The following MORC1 variants were observed in gnomAD, a reference collection of about 807,000 sequenced individuals.
MORC1 encodes MORC family CW-type zinc finger 1, also known as MORC family CW-type zinc finger protein 1.
In MORC1, 59 loss-of-function variants were observed where a neutral mutation model predicts 134.9. The ratio of observed to expected loss-of-function variants is 0.44; its 90% CI spans 0.35 to 0.54. MORC1 has a LOEUF of 0.54. Ranked by LOEUF, MORC1 falls within the 20% of genes least tolerant of loss-of-function variation. The pLI, the probability that MORC1 is intolerant of heterozygous loss-of-function variation, is 0.00. For synonymous variants in MORC1, 395 were observed against 391.7 expected (o/e 1.01, Z -0.10); for missense variants, 947 against 1,134.5 (o/e 0.83, Z 2.37).
At chr3:108,986,652 G>A (rs1947901513) in intron 22 of MORC1, among the ~76,000 whole-genome samples, 1 of 152,084 alleles carries the variant, frequency 6.6e-6, no homozygotes, top group South Asian at 2.1e-4. Flanking sequence ...TGGCAGTGCT[G>A]GGGACACTGT....
At chr3:108,969,992 A>G (rs970092269) in intron 25 of MORC1, among the ~76,000 whole-genome samples, 1 of 152,242 alleles carries the variant, frequency 6.6e-6, no homozygotes, top group African/African-American at 2.4e-5. Context: ...AAGGTGAAGG[A>G]AAATTAAGCG....
rs543516720 is a variant in MORC1 at position 109,095,041 on chromosome 3, T to A, written c.451A>T (p.Ile151Leu). ...EVVVPMPSWL[I>L]RTRESVTDDP... ...TCTGTGACAGATTCTCTGGTTCTTA[T>A]TAACCATGAGGGCATTGGAACTACA... Residue 151 changes from isoleucine to leucine, a missense_variant, in exon 7 of 28, where the codon ATA (isoleucine) becomes TTA (leucine). Physicochemically the swap from Ile to Leu is conservative, Grantham distance 5. Around this residue, in one of 3 missense-constraint regions of MORC1, gnomAD observed 214 missense variants for 281.3 expected, o/e 0.76. Transcript: ENST00000232603. 1.9e-6 allele frequency: 3 copies of A among 1,591,214 alleles called. No individual in the cohort carries two copies. Among genetic ancestry groups the A allele is most frequent in the Non-Finnish European group, 2.6e-6 (3 of 1,173,562 alleles).
At chr3:109,078,254 C>T (rs1170315002) in intron 8 of MORC1, among the ~76,000 whole-genome samples, 1 of 151,974 alleles carries the variant, frequency 6.6e-6, no homozygotes, top group African/African-American at 2.4e-5. Flanking sequence ...CTGTCCTTAT[C>T]AGAGATTCAC....
At chr3:109,105,735 A>G (rs1390575641) in intron 3 of MORC1, among the ~76,000 whole-genome samples, 1 of 152,130 alleles carries the variant, frequency 6.6e-6, no homozygotes, top group Non-Finnish European at 1.5e-5. Flanking sequence ...GTAAGTTTCA[A>G]GACAGCCCAT....
intron 8 of MORC1, among the ~76,000 whole-genome samples, chr3:109,073,202 T>C (rs1191334647): frequency 3.9e-5 from 6 of 152,218 alleles, no homozygotes. Context: ...ATTCTGCTGC[T>C]GTTTTAAATG....
chr3:109,023,968 G>C (rs1949017878), intron 17 of MORC1, among the ~76,000 whole-genome samples: 1 of 152,176 alleles, frequency 6.6e-6, no homozygotes, highest in Non-Finnish European at 1.5e-5. Flanking sequence ...GATAAAGATG[G>C]GGATGGGTTG....
chr3:108,962,639 A>G lies in MORC1; in HGVS notation c.2799+775T>C, dbSNP rs571821588. On this transcript the variant is annotated intron_variant, in intron 27 of 27. Coordinates refer to ENST00000232603, the MANE Select transcript of MORC1 (RefSeq NM_014429.4). ...AAAATGCCACAGGCTCCCTAGGCTC[A>G]CTGTTCTGGCTTGGATTTCTCAATT... is the stretch of plus-strand genomic sequence containing the variant. Among the ~76,000 whole-genome samples, 13 of 152,294 alleles carry G rather than the reference A, an allele frequency of 8.5e-5. 1 individual carries two copies. In the South Asian group the frequency reaches 2.7e-3, roughly 32 times the overall value.
At chr3:109,001,279 CCCA>C (rs1559883854) in intron 20 of MORC1, among the ~76,000 whole-genome samples, 3 of 152,108 alleles carry the variant, frequency 2.0e-5, no homozygotes, top group African/African-American at 7.2e-5. Flanking sequence ...ATTACAGGTG[CCCA>C]CCACCACGCC....
At chr3:109,061,402 C>T (rs755287231) in intron 11 of MORC1, among the ~76,000 whole-genome samples, 90 of 152,224 alleles carry the variant, frequency 5.9e-4, no homozygotes, top group Admixed American at 3.2e-3. Flanking sequence ...TTCTTTTTAA[C>T]TTATCTTACT....
intron 8 of MORC1, among the ~76,000 whole-genome samples, chr3:109,084,912 A>C (rs138984174): frequency 6.6e-6 from 1 of 152,272 alleles, no homozygotes; most frequent in East Asian, 1.9e-4. Context: ...CAGTTTCCTC[A>C]ACAAACGGTG....
intron 17 of MORC1, among the ~76,000 whole-genome samples, chr3:109,012,380 A>G (rs1948708239): frequency 6.6e-6 from 1 of 152,170 alleles, no homozygotes; most frequent in Admixed American, 6.5e-5. Flanking sequence ...AGGTAGTATG[A>G]TTCCTCCATC....
chr3:108,972,265 A>G (rs2107400321), intron 24 of MORC1, among the ~76,000 whole-genome samples: 1 of 130,064 alleles, frequency 7.7e-6, no homozygotes, highest in Middle Eastern at 4.5e-3. Context: ...AGAAATTTAC[A>G]GCCACCACAT....
At chr3:108,978,510 T>C (rs969301832) in intron 24 of MORC1, among the ~76,000 whole-genome samples, 5 of 152,160 alleles carry the variant, frequency 3.3e-5, no homozygotes, top group Admixed American at 2.6e-4. Context: ...GCACTCTGGA[T>C]GCTGCTACAA....
intron 17 of MORC1, among the ~76,000 whole-genome samples, chr3:109,015,295 TA>T (rs1948791668): frequency 6.6e-6 from 1 of 152,098 alleles, no homozygotes; most frequent in Non-Finnish European, 1.5e-5. Context: ...CAGCAAGAGA[TA>T]GGGGAAGAAT....
chr3:109,057,227 CAG>C, intron 13 of MORC1, 114 bp downstream of exon 13: 1 of 1,075,346 alleles, frequency 9.3e-7, no homozygotes. Context: ...GAAGGGTGAA[CAG>C]AGACTATGAC....
intron 23 of MORC1, among the ~76,000 whole-genome samples, chr3:108,980,777 A>G (rs1371294917): frequency 6.6e-6 from 1 of 152,222 alleles, no homozygotes; most frequent in African/African-American, 2.4e-5. Context: ...GAAAAAGAAC[A>G]AAGTAAGTTG....
rs1327344189 is a variant in MORC1 at position 109,040,394 on chromosome 3, GAAAGAAAGA to G, written c.1331-4935_1331-4927del. Among the ~76,000 whole-genome samples, 3 of 63,148 alleles carry G rather than the reference GAAAGAAAGA, an allele frequency of 4.8e-5. 1 individual carries two copies. The highest frequency in any genetic ancestry group is 1.1e-4 in the African/African-American group (2 of 18,752). The allele number at this position is 63,148 out of a possible 152,430, so 41.4% of individuals were successfully genotyped here. A position where few individuals can be genotyped will look rare whatever the true frequency, so the allele number is the denominator to read the frequency against. Reference sequence around the variant, plus strand: ...AGAAAGAAAGAAAGAAAGAAAGAAAGAAAGAAAGAGAAGGAAGGAAGGAAGGAAGGAAGG... The same window carrying G: ...AGAAAGAAAGAAAGAAAGAAAGAAAGGAAGGAAGGAAGGAAGGAAGGAAGG... On this transcript the variant is annotated intron_variant, in intron 14 of 27. Transcript: ENST00000232603.
intron 8 of MORC1, among the ~76,000 whole-genome samples, chr3:109,076,518 A>T (rs1950425845): frequency 6.6e-6 from 1 of 152,172 alleles, no homozygotes; most frequent in Admixed American, 6.5e-5. Context: ...CTATAAAGAC[A>T]CGTGCACACG....
At chr3:108,993,051 T>A (rs1576606785) in intron 21 of MORC1, among the ~76,000 whole-genome samples, 2 of 152,198 alleles carry the variant, frequency 1.3e-5, no homozygotes, top group South Asian at 4.1e-4. Flanking sequence ...AAACAGAATA[T>A]CAAAATTTGA....
Sources: gnomAD v4.1 joint callset for allele counts (sites outside exome capture counted in the v4.1 genomes callset) on GRCh38, gnomAD v4.1.1 for gene constraint, gnomAD v4.1.1 regional missense constraint, MANE v1.5 for transcripts, NCBI Gene and HGNC (gene_info 2026-07-23, HGNC 2026-07-21) for gene names.